FHL1: variants seen among roughly 807,000 people sequenced by gnomAD.
FHL1 encodes four and a half LIM domains 1.
A neutral mutation model predicts 20.3 loss-of-function variants in FHL1; 1 was observed. That is an observed-to-expected ratio of 0.05 (90% CI 0.02 to 0.23). The LOEUF (loss-of-function observed/expected upper bound fraction) is 0.23. Among genes scored for constraint, FHL1 ranks in the 10% least tolerant of loss-of-function variants. The pLI is 1.00. For missense variants in FHL1, 177 were observed against 234.0 expected, an observed-to-expected ratio of 0.76 and a Z score of 1.59; for synonymous variants, 82 against 88.9, an observed-to-expected ratio of 0.92 and a Z score of 0.44.
upstream of FHL1, chrX:136,196,943 T>A: frequency 9.3e-7 from 1 of 1,076,829 alleles, no homozygotes; most frequent in Non-Finnish European, 1.3e-6. Context: ...AAGAATTTTC[T>A]AGTGGGATTA....
intron 1 of FHL1, among the ~76,000 whole-genome samples, chrX:136,153,148 G>T (rs1342025345): frequency 9.0e-6 from 1 of 110,987 alleles, no homozygotes; most frequent in African/African-American, 3.3e-5. Flanking sequence ...TTTTTCATAT[G>T]GGGTTGTTTT....
chrX:136,172,651 A>G (rs1183274662), intron 2 of FHL1, among the ~76,000 whole-genome samples: 2 of 113,258 alleles, frequency 1.8e-5, no homozygotes, highest in African/African-American at 6.4e-5. Context: ...TTCACACTCT[A>G]TTTTTAAAAC....
At chrX:136,146,814 G>T (rs2072107286), upstream of FHL1, 1 of 327,656 alleles carries the variant, frequency 3.1e-6, no homozygotes, top group South Asian at 2.6e-5. Flanking sequence ...TGCCATCGGT[G>T]CTTTCTGAGT....
intron 1 of FHL1, among the ~76,000 whole-genome samples, chrX:136,164,053 A>G (rs746497694): frequency 3.6e-5 from 4 of 112,080 alleles, no homozygotes; most frequent in Non-Finnish European, 7.5e-5. Context: ...CAAAAATACC[A>G]TTGAACATTA....
upstream of FHL1, chrX:136,146,945 G>A (rs1236221619): frequency 3.1e-6 from 1 of 327,126 alleles, no homozygotes; most frequent in African/African-American, 2.6e-5. Flanking sequence ...GCAAGCCACC[G>A]GGTTCCGAAG....
chrX:136,187,114 A>G (rs1477889573), intron 2 of FHL1, among the ~76,000 whole-genome samples: 2 of 105,518 alleles, frequency 1.9e-5, no homozygotes, highest in Non-Finnish European at 3.9e-5. Context: ...GAGTATGTAT[A>G]GTATACCACT....
intron 2 of FHL1, among the ~76,000 whole-genome samples, chrX:136,184,265 A>G (rs2073233600): frequency 8.9e-6 from 1 of 112,115 alleles, no homozygotes; most frequent in African/African-American, 3.2e-5. Flanking sequence ...TGAAAGTCCT[A>G]TAACTAACCT....
chrX:136,184,251 G>A (rs2073233254), intron 2 of FHL1, among the ~76,000 whole-genome samples: 1 of 111,730 alleles, frequency 9.0e-6, no homozygotes. Flanking sequence ...TAATTTTTCC[G>A]AAATGAAAGT....
At chrX:136,199,054 C>T (rs981681518) in intron 1 of FHL1, among the ~76,000 whole-genome samples, 3 of 111,780 alleles carry the variant, frequency 2.7e-5, no homozygotes, top group African/African-American at 9.8e-5. Context: ...AAATGACTAC[C>T]TACTACTTCA....
intron 2 of FHL1, among the ~76,000 whole-genome samples, chrX:136,188,015 G>A (rs988549994): frequency 9.0e-6 from 1 of 111,543 alleles, no homozygotes; most frequent in Non-Finnish European, 1.9e-5. Context: ...ACAACTTGAA[G>A]TCATGAACAT....
chrX:136,179,336 T>C (rs1398696402), intron 2 of FHL1, among the ~76,000 whole-genome samples: 1 of 111,872 alleles, frequency 8.9e-6, no homozygotes, highest in Non-Finnish European at 1.9e-5. Flanking sequence ...TACAACATGC[T>C]CCAGTATTTT....
chrX:136,161,931 T>C (rs1353463349), intron 1 of FHL1, among the ~76,000 whole-genome samples: 3 of 109,351 alleles, frequency 2.7e-5, no homozygotes, highest in Non-Finnish European at 5.7e-5. Flanking sequence ...GAGACCAGCA[T>C]GGACAATATG....
At position 136,211,022 on chromosome X, in the gene FHL1, G is replaced by A. The variant is rs1209963027; in HGVS notation, c.*997G>A. The A allele has an allele frequency of 1.1e-5, 4 of 374,484 alleles. No homozygotes were observed. The highest frequency in any genetic ancestry group is 2.0e-5 in the Non-Finnish European group (4 of 198,436). The allele number at this position is 374,484 out of a possible 1,213,427, so 30.9% of individuals were successfully genotyped here. On this transcript the variant is annotated 3_prime_UTR_variant, in exon 6 of 6. Coordinates refer to ENST00000370683, the MANE Select transcript of FHL1 (RefSeq NM_001159699.2). ...ACAACAGTGACTAGTTGAATCCCTT[G>A]TAACGTAGTAGTTGTCTGCTCTTTG...
rs1487159414 is a variant in FHL1, at chrX:136,210,826, G to T, written c.*801G>T. ...TTTATTGTTTTTAATTAATATTTTT[G>T]TTTTAATTGATAGCAAAATAGTTTA... On this transcript the variant is annotated 3_prime_UTR_variant, in exon 6 of 6. Coordinates refer to ENST00000370683, the MANE Select transcript of FHL1 (RefSeq NM_001159699.2). 2.6e-6 allele frequency: 1 copy of T among 383,253 alleles called. No homozygotes were observed. The highest frequency in any genetic ancestry group is 2.5e-5 in the African/African-American group (1 of 40,427). 31.6% of individuals were successfully genotyped at this position (383,253 alleles called of 1,213,427 possible). A position where few individuals can be genotyped will look rare whatever the true frequency, so the allele number is the denominator to read the frequency against.
rs375223515 is a variant in FHL1, at chrX:136,201,980, A to T, written c.23-4427A>T. ...AAAGGCCTTCACATTTCATGTACTT[A>T]GAAATAGCTAAGGGGATAAAAAATT... On this transcript the variant is annotated intron_variant, in intron 1 of 5. Coordinates refer to ENST00000370683, the MANE Select transcript of FHL1 (RefSeq NM_001159699.2). 6.2e-5 allele frequency among the ~76,000 whole-genome samples: 7 copies of T among 112,594 alleles called. 1 individual carries two copies. Among genetic ancestry groups the T allele is most frequent in the East Asian group, 2.8e-4 (1 of 3,602 alleles).
At chrX:136,155,746 G>A (rs2072396331) in intron 1 of FHL1, among the ~76,000 whole-genome samples, 1 of 109,754 alleles carries the variant, frequency 9.1e-6, no homozygotes, top group South Asian at 3.9e-4. Flanking sequence ...CCTCATTTTT[G>A]AACTACTATA....
Position 136,207,002 on chromosome X carries a change from T to C in FHL1, c.205-14T>C, listed in dbSNP as rs1417806216. 25 of 1,210,434 alleles carry C rather than the reference T, an allele frequency of 2.1e-5. No individual in the cohort carries two copies. Among genetic ancestry groups the C allele is most frequent in the Non-Finnish European group, 2.7e-5 (24 of 895,288 alleles). On this transcript the variant is annotated splice_polypyrimidine_tract_variant and intron_variant, in intron 2 of 5. Coordinates refer to ENST00000370683, the MANE Select transcript of FHL1 (RefSeq NM_001159699.2). ...ACCCCTCATGGTGGCCCACCCTGTC[T>C]GCTTGGTTTCCAGGAGGTGCACTAT...
chrX:136,172,489 T>G (rs1603252385), intron 2 of FHL1, among the ~76,000 whole-genome samples: 1 of 112,274 alleles, frequency 8.9e-6, no homozygotes. Context: ...GGGGTACAGT[T>G]CCAAGTCCCC....
At chrX:136,156,407 A>G (rs1313432896) in intron 1 of FHL1, among the ~76,000 whole-genome samples, 1 of 107,565 alleles carries the variant, frequency 9.3e-6, no homozygotes, top group African/African-American at 3.4e-5. Context: ...TCAGCCTCCC[A>G]AGTAGCTGGG....
Sources: gnomAD v4.1 joint callset for allele counts (sites outside exome capture counted in the v4.1 genomes callset) on GRCh38, gnomAD v4.1.1 for gene constraint, MANE v1.5 for transcripts, NCBI Gene and HGNC (gene_info 2026-07-23, HGNC 2026-07-21) for gene names.